HAPLN1: variants seen among roughly 807,000 people sequenced by gnomAD.
HAPLN1 encodes the protein Cartilage link protein.
A neutral mutation model predicts 36.5 loss-of-function variants in HAPLN1; 13 were observed. The observed-to-expected ratio is 0.36, with a 90% CI of 0.23 to 0.57. The LOEUF (loss-of-function observed/expected upper bound fraction) is 0.57. HAPLN1 is among the 20% of genes least tolerant of loss of function. The pLI is 0.83. For synonymous variants in HAPLN1, 202 were observed against 169.8 expected (o/e 1.19, Z -1.48); for missense variants, 407 against 439.7 (o/e 0.93, Z 0.66).
At chr5:83,642,891 G>T (rs1749742173) in intron 4 of HAPLN1, among the ~76,000 whole-genome samples, 1 of 152,142 alleles carries the variant, frequency 6.6e-6, no homozygotes, top group Admixed American at 6.5e-5. Context: ...AAGTTTTATT[G>T]GAATGCTGCC....
chr5:83,661,069 C>CTCA (rs1471395664), intron 2 of HAPLN1, among the ~76,000 whole-genome samples: 2 of 152,158 alleles, frequency 1.3e-5, no homozygotes, highest in African/African-American at 4.8e-5. Flanking sequence ...AAATTCACAT[C>CTCA]TCATCAACTC....
At chr5:83,667,667 A>G (rs1159340825) in intron 2 of HAPLN1, among the ~76,000 whole-genome samples, 1 of 152,162 alleles carries the variant, frequency 6.6e-6, no homozygotes, top group African/African-American at 2.4e-5. Context: ...ACAGAGTAAC[A>G]TGTATCCAGT....
At chr5:83,719,390 T>C (rs953535565) in intron 1 of HAPLN1, among the ~76,000 whole-genome samples, 1 of 152,218 alleles carries the variant, frequency 6.6e-6, no homozygotes, top group Admixed American at 6.5e-5. Context: ...TTACTTCTTA[T>C]CTAGTTCTGT....
chr5:83,644,070 T>C (rs1249331893), intron 4 of HAPLN1, among the ~76,000 whole-genome samples: 1 of 152,186 alleles, frequency 6.6e-6, no homozygotes, highest in Non-Finnish European at 1.5e-5. Context: ...GGCAGCATCA[T>C]CTTTGACAAT....
chr5:83,651,588 G>GTT (rs1750063859), intron 3 of HAPLN1, among the ~76,000 whole-genome samples: 4 of 151,874 alleles, frequency 2.6e-5, no homozygotes, highest in African/African-American at 9.7e-5. Context: ...GTCAAATAGT[G>GTT]ACACAAATCT....
chr5:83,695,130 T>C (rs1342795141), intron 1 of HAPLN1, among the ~76,000 whole-genome samples: 1 of 152,204 alleles, frequency 6.6e-6, no homozygotes, highest in Non-Finnish European at 1.5e-5. Context: ...TAATTCATTA[T>C]ACATATATTT....
chr5:83,644,293 G>T, intron 4 of HAPLN1, 70 bp downstream of exon 4: 1 of 1,132,836 alleles, frequency 8.8e-7, no homozygotes, highest in Non-Finnish European at 1.2e-6. Flanking sequence ...AAGATTAAAA[G>T]CCAAGTGTAG....
chr5:83,677,275 C>A (rs1750882018), intron 1 of HAPLN1, among the ~76,000 whole-genome samples: 1 of 152,146 alleles, frequency 6.6e-6, no homozygotes, highest in South Asian at 2.1e-4. Flanking sequence ...CCAGCATGTA[C>A]AACAAGGAGC....
chr5:83,717,730 T>A (rs1233138456), intron 1 of HAPLN1, among the ~76,000 whole-genome samples: 1 of 152,142 alleles, frequency 6.6e-6, no homozygotes, highest in Non-Finnish European at 1.5e-5. Context: ...TTGTCTAGAA[T>A]TTTTTTTCTA....
intron 3 of HAPLN1, among the ~76,000 whole-genome samples, chr5:83,646,007 G>A (rs2112556896): frequency 6.6e-6 from 1 of 152,292 alleles, no homozygotes; most frequent in East Asian, 1.9e-4. Flanking sequence ...AATGTAAACA[G>A]TGTGACTTCG....
chr5:83,686,176 A>G (rs1251857747), intron 1 of HAPLN1, among the ~76,000 whole-genome samples: 1 of 150,664 alleles, frequency 6.6e-6, no homozygotes, highest in African/African-American at 2.4e-5. Context: ...AAATGTCAAG[A>G]CTTGAGGTCA....
intron 2 of HAPLN1, among the ~76,000 whole-genome samples, chr5:83,671,884 T>G (rs1317174050): frequency 6.6e-6 from 1 of 152,186 alleles, no homozygotes. Context: ...GTGGACAGTG[T>G]ATGCAAATAA....
intron 2 of HAPLN1, among the ~76,000 whole-genome samples, chr5:83,667,034 C>T (rs1417646241): frequency 6.6e-6 from 1 of 152,200 alleles, no homozygotes; most frequent in Admixed American, 6.5e-5. Context: ...TTAGTAATGA[C>T]TGTCTCTCTC....
chr5:83,718,748 G>A (rs567127584), intron 1 of HAPLN1, among the ~76,000 whole-genome samples: 25 of 152,182 alleles, frequency 1.6e-4, no homozygotes, highest in African/African-American at 3.6e-4. Context: ...CTGGTATTTC[G>A]TCAGAATTTT....
intron 1 of HAPLN1, among the ~76,000 whole-genome samples, chr5:83,684,016 G>A (rs1751064053): frequency 6.6e-6 from 1 of 152,048 alleles, no homozygotes; most frequent in Non-Finnish European, 1.5e-5. Context: ...AGAAGGAGGA[G>A]GAAGATAGCA....
chr5:83,686,878 A>C (rs1428239154), intron 1 of HAPLN1, among the ~76,000 whole-genome samples: 1 of 152,170 alleles, frequency 6.6e-6, no homozygotes, highest in Non-Finnish European at 1.5e-5. Flanking sequence ...TATTTCCTCT[A>C]CATCTGGAAG....
At chr5:83,678,220 G>GGGGTGT (rs1554049526) in intron 1 of HAPLN1, among the ~76,000 whole-genome samples, 50 of 142,640 alleles carry the variant, frequency 3.5e-4, no homozygotes, top group African/African-American at 1.3e-3. Flanking sequence ...CTATAGTTTG[G>GGGGTGT]GTGTGTGTGT....
At chr5:83,682,232 G>T (rs1021356423) in intron 1 of HAPLN1, 1 of 152,108 alleles carries the variant, frequency 6.6e-6, no homozygotes. Flanking sequence ...TATGTAAAAA[G>T]TTTTCTACAT....
intron 1 of HAPLN1, among the ~76,000 whole-genome samples, chr5:83,712,176 A>C (rs539110054): frequency 6.6e-6 from 1 of 152,308 alleles, no homozygotes; most frequent in African/African-American, 2.4e-5. Context: ...GTAATACCTC[A>C]AAGTGTCACA....
Sources: gnomAD v4.1 joint callset for allele counts (sites outside exome capture counted in the v4.1 genomes callset) on GRCh38, gnomAD v4.1.1 for gene constraint, MANE v1.5 for transcripts, NCBI Gene and HGNC (gene_info 2026-07-23, HGNC 2026-07-21) for gene names.